SCFD2: variants seen among roughly 807,000 people sequenced by gnomAD.
The protein encoded by SCFD2 is sec1 family domain-containing protein 2.
A neutral mutation model predicts 58.9 loss-of-function variants in SCFD2; 54 were observed. The observed-to-expected ratio is 0.92, with a 90% CI of 0.74 to 1.15. The LOEUF (loss-of-function observed/expected upper bound fraction) is 1.15, where lower values mean the gene tolerates loss of function less well. Among genes scored for constraint, SCFD2 ranks in the 50% most tolerant of loss-of-function variants. The pLI is 0.00. For missense variants in SCFD2, 805 were observed against 836.6 expected (o/e 0.96, Z 0.47); for synonymous variants, 321 against 335.9 (o/e 0.96, Z 0.49).
At chr4:52,972,182 C>A (rs301108) in intron 5 of SCFD2, among the ~76,000 whole-genome samples, 2 of 152,110 alleles carry the variant, frequency 1.3e-5, no homozygotes, top group Non-Finnish European at 2.9e-5. Context: ...ACCTTAAATG[C>A]AAATGGGCTA....
chr4:53,300,153 C>A (rs1389762745), intron 3 of SCFD2, among the ~76,000 whole-genome samples: 2 of 152,206 alleles, frequency 1.3e-5, no homozygotes, highest in South Asian at 2.1e-4. Flanking sequence ...CACAGACTGG[C>A]AAATTGGATA....
chr4:53,122,597 G>C (rs1725511847), intron 5 of SCFD2, among the ~76,000 whole-genome samples: 1 of 152,166 alleles, frequency 6.6e-6, no homozygotes, highest in East Asian at 1.9e-4. Flanking sequence ...GAATTAGTAG[G>C]CAATACACGC....
chr4:53,189,758 C>T (rs1214736703), intron 4 of SCFD2, among the ~76,000 whole-genome samples: 1 of 152,128 alleles, frequency 6.6e-6, no homozygotes, highest in Non-Finnish European at 1.5e-5. Flanking sequence ...TTTAGACACA[C>T]ACAAAATAGA....
At chr4:53,004,030 T>C (rs548141359) in intron 5 of SCFD2, among the ~76,000 whole-genome samples, 1 of 152,384 alleles carries the variant, frequency 6.6e-6, no homozygotes, top group East Asian at 1.9e-4. Flanking sequence ...TAAGTATTAC[T>C]ATGCTCTTCA....
intron 5 of SCFD2, among the ~76,000 whole-genome samples, chr4:53,056,598 T>TA (rs1188553647): frequency 7.2e-5 from 11 of 152,164 alleles, no homozygotes; most frequent in Non-Finnish European, 1.2e-4. Flanking sequence ...TGGACAAAAC[T>TA]AGTAGAGTAG....
chr4:53,050,758 G>A (rs915773953), intron 5 of SCFD2, among the ~76,000 whole-genome samples: 5 of 152,022 alleles, frequency 3.3e-5, no homozygotes, highest in African/African-American at 4.8e-5. Flanking sequence ...GTTTTATTTC[G>A]ATGGCCCTCC....
intron 4 of SCFD2, among the ~76,000 whole-genome samples, chr4:53,158,178 G>A (rs1339492735): frequency 2.0e-5 from 3 of 152,098 alleles, no homozygotes; most frequent in Non-Finnish European, 4.4e-5. Context: ...CATGTGGACT[G>A]GACCATCCAA....
In SCFD2 at chr4:52,873,816, C is replaced by T; in HGVS notation, c.*153G>A. The T allele has an allele frequency of 2.0e-6, 1 of 495,190 alleles. No homozygotes were observed. The highest frequency in any genetic ancestry group is 3.7e-5 in the South Asian group (1 of 26,756). The allele number at this position is 495,190 out of a possible 1,614,324, so 30.7% of individuals were successfully genotyped here. ...AATCACAGCAATCCAAGCAAAGTACCTCACTGAGTAGGTATCAAGACCCTT... is the reference window on the plus strand; with the variant it reads ...AATCACAGCAATCCAAGCAAAGTACTTCACTGAGTAGGTATCAAGACCCTT... On this transcript the variant is annotated 3_prime_UTR_variant, in exon 9 of 9. Transcript: ENST00000401642.
At chr4:53,310,532 G>A (rs1000759104) in intron 3 of SCFD2, among the ~76,000 whole-genome samples, 2 of 152,082 alleles carry the variant, frequency 1.3e-5, no homozygotes, top group Non-Finnish European at 2.9e-5. Flanking sequence ...TATTTGTTTT[G>A]TTACTTTCAG....
At chr4:53,061,036 A>G in intron 5 of SCFD2, among the ~76,000 whole-genome samples, 1 of 152,176 alleles carries the variant, frequency 6.6e-6, no homozygotes, top group East Asian at 1.9e-4. Flanking sequence ...TAACCAAGTA[A>G]TTTTCTATAA....
chr4:53,118,749 TTC>T (rs1368823944), intron 5 of SCFD2, among the ~76,000 whole-genome samples: 1 of 152,146 alleles, frequency 6.6e-6, no homozygotes, highest in Non-Finnish European at 1.5e-5. Context: ...CAGGGATACA[TTC>T]GATTCTGACT....
chr4:53,148,119 A>T (rs912777277), intron 4 of SCFD2, among the ~76,000 whole-genome samples: 1 of 152,220 alleles, frequency 6.6e-6, no homozygotes, highest in Non-Finnish European at 1.5e-5. Flanking sequence ...TACATAAAGC[A>T]TCTATCCTAC....
intron 5 of SCFD2, among the ~76,000 whole-genome samples, chr4:53,070,419 C>T (rs1044709051): frequency 2.0e-5 from 3 of 151,814 alleles, no homozygotes; most frequent in South Asian, 2.1e-4. Flanking sequence ...TTATGAAAAG[C>T]GAAAGTTAAT....
intron 5 of SCFD2, among the ~76,000 whole-genome samples, chr4:53,054,988 G>A (rs755035685): frequency 6.6e-6 from 1 of 152,016 alleles, no homozygotes; most frequent in Non-Finnish European, 1.5e-5. Context: ...CAGATCGAGG[G>A]GAGAGAAGCA....
chr4:52,993,582 T>G (rs1250792051), intron 5 of SCFD2, among the ~76,000 whole-genome samples: 1 of 152,166 alleles, frequency 6.6e-6, no homozygotes, highest in Non-Finnish European at 1.5e-5. Flanking sequence ...ATTGTTTATC[T>G]CTTCAAAATG....
At chr4:52,919,998 C>T (rs1484883500) in intron 6 of SCFD2, among the ~76,000 whole-genome samples, 1 of 152,146 alleles carries the variant, frequency 6.6e-6, no homozygotes, top group African/African-American at 2.4e-5. Context: ...CCAACAGAAA[C>T]ATTTGTTCTT....
chr4:52,960,752 G>A (rs1720832150), intron 5 of SCFD2, among the ~76,000 whole-genome samples: 1 of 150,160 alleles, frequency 6.7e-6, no homozygotes, highest in African/African-American at 2.5e-5. Flanking sequence ...CACCACACAT[G>A]TGCTAATAGT....
chr4:53,117,649 T>C (rs1458795108), intron 5 of SCFD2, among the ~76,000 whole-genome samples: 2 of 152,186 alleles, frequency 1.3e-5, no homozygotes, highest in East Asian at 1.9e-4. Context: ...GGCTGCTGGT[T>C]TGTGGGCAGA....
chr4:53,244,515 G>A (rs1361641198), intron 4 of SCFD2, among the ~76,000 whole-genome samples: 1 of 152,036 alleles, frequency 6.6e-6, no homozygotes, highest in African/African-American at 2.4e-5. Flanking sequence ...ATGAAATTAA[G>A]GCAAAAATCA....
Sources: gnomAD v4.1 joint callset for allele counts (sites outside exome capture counted in the v4.1 genomes callset) on GRCh38, gnomAD v4.1.1 for gene constraint, MANE v1.5 for transcripts, NCBI Gene and HGNC (gene_info 2026-07-23, HGNC 2026-07-21) for gene names.